G6PC1: variants seen among roughly 807,000 people sequenced by gnomAD.
G6PC1 encodes the protein G-6-Pase.
Under a neutral mutation model 30.4 loss-of-function variants are expected in G6PC1, and 23 were observed. That is an observed-to-expected ratio of 0.76 (90% CI 0.55 to 1.07). The LOEUF (loss-of-function observed/expected upper bound fraction) is 1.07. G6PC1 is among the 50% of genes least tolerant of loss of function. The probability of loss-of-function intolerance (pLI) is 0.00; values close to 1 mark genes in which losing one functional copy is unlikely to be tolerated. For synonymous variants in G6PC1, 163 were observed against 175.6 expected (o/e 0.93, Z 0.57); for missense variants, 391 against 433.9 (o/e 0.90, Z 0.88).
intron 4 of G6PC1, among the ~76,000 whole-genome samples, chr17:42,910,053 C>T (rs1351493401): frequency 2.0e-5 from 3 of 151,868 alleles, no homozygotes; most frequent in Non-Finnish European, 2.9e-5. Flanking sequence ...TTAGCAGAGA[C>T]GGGGTTTCAC....
Position 42,912,848 on chromosome 17 carries a change from T to G in G6PC1, c.*1422T>G, listed in dbSNP as rs1375714768. 6.6e-6 allele frequency: 1 copy of G among 151,584 alleles called. No individual in the cohort carries two copies. The highest frequency in any genetic ancestry group is 1.5e-5 in the Non-Finnish European group (1 of 68,012). 9.4% of individuals were successfully genotyped at this position (151,584 alleles called of 1,614,324 possible). On this transcript the variant is annotated 3_prime_UTR_variant, in exon 5 of 5. Transcript: ENST00000253801. ...GGCGCACCTATCACCCAGGCTGGAG[T>G]GGAGTGGCACGATCTTGGCTCACTG...
chr17:42,906,037 T>G (rs1329114782), intron 2 of G6PC1, among the ~76,000 whole-genome samples: 2 of 145,416 alleles, frequency 1.4e-5, no homozygotes, highest in Non-Finnish European at 1.5e-5. Context: ...CAGAGAAAGA[T>G]TCTGTCAGGA....
rs1443538945 is a variant in G6PC1 at position 42,907,583 on chromosome 17, C to T, written c.401C>T (p.Thr134Ile). ...AGVYYVMVTS[T>I]LSIFQGKIKP... ...GTATACTACGTGATGGTCACATCTACTCTTTCCATCTTTCAGGGAAAGATA... is the reference window on the plus strand; with the variant it reads ...GTATACTACGTGATGGTCACATCTATTCTTTCCATCTTTCAGGGAAAGATA... The change falls in exon 3 of 5, where the codon ACT (threonine) becomes ATT (isoleucine). Residue 134 changes from threonine to isoleucine, a missense_variant. By Grantham distance (89) the Thr-to-Ile change is moderately conservative. Coordinates refer to ENST00000253801, the MANE Select transcript of G6PC1 (RefSeq NM_000151.4). 2 of 1,613,940 alleles carry T rather than the reference C, an allele frequency of 1.2e-6. No homozygotes were observed. The highest frequency in any genetic ancestry group is 8.5e-7 in the Non-Finnish European group (1 of 1,179,870).
intron 3 of G6PC1, among the ~76,000 whole-genome samples, chr17:42,907,975 A>G (rs1317255266): frequency 6.6e-6 from 1 of 152,250 alleles, no homozygotes; most frequent in African/African-American, 2.4e-5. Context: ...ATAACCAGAG[A>G]AACAGAAGAT....
At chr17:42,906,786 G>A (rs1257954955) in intron 2 of G6PC1, among the ~76,000 whole-genome samples, 1 of 152,112 alleles carries the variant, frequency 6.6e-6, no homozygotes, top group Admixed American at 6.6e-5. Context: ...GGGCTGAGGT[G>A]GGAGGATTGC....
rs145752565 is a variant in G6PC1 at position 42,900,800 on chromosome 17, G to A, written c.-77G>A. 0.011 allele frequency: 13,705 copies of A among 1,192,660 alleles called. 105 individuals carry two copies. Among genetic ancestry groups the A allele is most frequent in the Non-Finnish European group, 0.014 (11,230 of 807,728 alleles). 73.9% of individuals were successfully genotyped at this position (1,192,660 alleles called of 1,614,324 possible). On this transcript the variant is annotated 5_prime_UTR_variant, in exon 1 of 5. Coordinates refer to ENST00000253801, the MANE Select transcript of G6PC1 (RefSeq NM_000151.4). Reference sequence around the variant, plus strand: ...AACAGGGGCAAGGCACAGACTCATAGCAGAGCAATCACCACCAAGCCTGGA... The same window carrying A: ...AACAGGGGCAAGGCACAGACTCATAACAGAGCAATCACCACCAAGCCTGGA...
At chr17:42,908,706 T>TA (rs1597990564) in intron 3 of G6PC1, among the ~76,000 whole-genome samples, 2 of 131,802 alleles carry the variant, frequency 1.5e-5, no homozygotes, top group Non-Finnish European at 3.2e-5. Flanking sequence ...CGCCTGGCCT[T>TA]TTTTTTTTTT....
chr17:42,905,740 G>A (rs900444836), intron 2 of G6PC1, among the ~76,000 whole-genome samples: 6 of 151,978 alleles, frequency 3.9e-5, no homozygotes, highest in Admixed American at 3.9e-4. Flanking sequence ...CTTAGGTAGA[G>A]TAGCTAAGGC....
At position 42,911,495 on chromosome 17, in the gene G6PC1, G is replaced by T; in HGVS notation, c.*69G>T. ...GGATTGAGGAGGACTACTATTTGAAGCAATGGGCACTGGTATTTGGAGCAA... is the reference window on the plus strand; with the variant it reads ...GGATTGAGGAGGACTACTATTTGAATCAATGGGCACTGGTATTTGGAGCAA... On this transcript the variant is annotated 3_prime_UTR_variant, in exon 5 of 5. Transcript: ENST00000253801. The T allele has an allele frequency of 6.2e-7, 1 of 1,604,220 alleles. No homozygotes were observed.
chr17:42,909,189 A>G, intron 3 of G6PC1, 114 bp from the exon 4 acceptor site: 1 of 847,750 alleles, frequency 1.2e-6, no homozygotes, highest in Non-Finnish European at 2.1e-6. Flanking sequence ...TTAATTTACA[A>G]AAATTCCACT....
chr17:42,902,269 G>C (rs2056030917), intron 1 of G6PC1, among the ~76,000 whole-genome samples: 1 of 152,104 alleles, frequency 6.6e-6, no homozygotes, highest in Admixed American at 6.6e-5. Context: ...GTTTGTTTGA[G>C]ATGGAGTCTC....
intron 2 of G6PC1, among the ~76,000 whole-genome samples, chr17:42,905,000 T>C (rs1053671648): frequency 2.6e-5 from 4 of 151,904 alleles, no homozygotes; most frequent in African/African-American, 9.7e-5. Flanking sequence ...TAGTCTCAGC[T>C]ACCTGGGAGG....
chr17:42,911,597 T>G lies in G6PC1; in HGVS notation c.*171T>G, dbSNP rs1296624306. ...TGGAGGGTCGCCTGGCTTATTCCCA[T>G]GTGTGACTCCAGCCTGCCCTCAGCA... is the stretch of plus-strand genomic sequence containing the variant. On this transcript the variant is annotated 3_prime_UTR_variant, in exon 5 of 5. Coordinates refer to ENST00000253801, the MANE Select transcript of G6PC1 (RefSeq NM_000151.4). The G allele has an allele frequency of 1.1e-6, 1 of 919,596 alleles. No homozygotes were observed. Among genetic ancestry groups the G allele is most frequent in the African/African-American group, 1.6e-5 (1 of 61,480 alleles). 57.0% of individuals were successfully genotyped at this position (919,596 alleles called of 1,614,324 possible). A position where few individuals can be genotyped will look rare whatever the true frequency, so the allele number is the denominator to read the frequency against.
At chr17:42,906,455 G>A (rs1237966137) in intron 2 of G6PC1, among the ~76,000 whole-genome samples, 1 of 152,128 alleles carries the variant, frequency 6.6e-6, no homozygotes, top group Non-Finnish European at 1.5e-5. Context: ...GCCAGGAGAA[G>A]GCTGAGAGCA....
At chr17:42,901,617 A>G (rs2056026634) in intron 1 of G6PC1, among the ~76,000 whole-genome samples, 1 of 151,824 alleles carries the variant, frequency 6.6e-6, no homozygotes, top group African/African-American at 2.4e-5. Flanking sequence ...GCTACTCAGG[A>G]GGCTGAGGTG....
Position 42,911,009 on chromosome 17 carries a change from C to G in G6PC1, c.657C>G (p.Phe219Leu). 1 of 1,614,180 alleles carries G rather than the reference C, an allele frequency of 6.2e-7. No homozygotes were observed. Among genetic ancestry groups the G allele is most frequent in the Non-Finnish European group, 8.5e-7 (1 of 1,180,008 alleles). ...YFLITFFLFS[F>L]AIGFYLLLKG... ...TCATTACCTTCTTCCTGTTCAGCTT[C>G]GCCATCGGATTTTATCTGCTGCTCA... Residue 219 changes from phenylalanine (F) to leucine (L), a missense_variant, in exon 5 of 5, where the codon TTC becomes TTG. Coordinates refer to ENST00000253801, the MANE Select transcript of G6PC1 (RefSeq NM_000151.4).
rs191964473 is a variant in G6PC1, at chr17:42,901,352, G to A, written c.230+246G>A. 1.1e-4 allele frequency among the ~76,000 whole-genome samples: 16 copies of A among 152,226 alleles called. No individual in the cohort carries two copies. In the South Asian group the frequency reaches 1.2e-3, roughly 12 times the overall value. On this transcript the variant is annotated intron_variant, in intron 1 of 4. Transcript: ENST00000253801. Reference sequence around the variant, plus strand: ...TTAAAGGGTAGGACAGTTGAATTTCGTGAAAAGTCTGAGTTATATAGGCTT... The same window carrying A: ...TTAAAGGGTAGGACAGTTGAATTTCATGAAAAGTCTGAGTTATATAGGCTT...
intron 1 of G6PC1, among the ~76,000 whole-genome samples, chr17:42,902,817 A>G (rs2056034902): frequency 6.6e-6 from 1 of 152,196 alleles, no homozygotes; most frequent in East Asian, 1.9e-4. Flanking sequence ...GATACAGAAC[A>G]AGCATCTGAA....
chr17:42,900,872 T>G lies in G6PC1; in HGVS notation c.-5T>G. ...ACATCTTCCTGAGGTGCCAAGGAAA[T>G]GAGGATGGAGGAAGGAATGAATGTT... On this transcript the variant is annotated 5_prime_UTR_variant, in exon 1 of 5. It removes an upstream start codon present in the reference 5' UTR. Coordinates refer to ENST00000253801, the MANE Select transcript of G6PC1 (RefSeq NM_000151.4). 2 of 1,612,458 alleles carry G rather than the reference T, an allele frequency of 1.2e-6. No individual in the cohort carries two copies. Among genetic ancestry groups the G allele is most frequent in the Non-Finnish European group, 1.7e-6 (2 of 1,178,572 alleles).
Sources: gnomAD v4.1 joint callset for allele counts (sites outside exome capture counted in the v4.1 genomes callset) on GRCh38, gnomAD v4.1.1 for gene constraint, MANE v1.5 for transcripts, NCBI Gene and HGNC (gene_info 2026-07-23, HGNC 2026-07-21) for gene names.